Variants in GREM1 observed in about 807,000 individuals in gnomAD.
GREM1 encodes the protein gremlin 1, DAN family BMP antagonist.
A neutral mutation model predicts 13.1 loss-of-function variants in GREM1; 6 were observed. That is an observed-to-expected ratio of 0.46 (90% CI 0.25 to 0.91). GREM1 has a LOEUF of 0.91. GREM1 is among the 40% of genes least tolerant of loss of function. GREM1 has a pLI of 0.18. For synonymous variants in GREM1, 98 were observed against 93.7 expected (o/e 1.05, Z -0.27); for missense variants, 185 against 233.9 (o/e 0.79, Z 1.36).
At chr15:32,720,078 C>CGTGT (rs370172363) in intron 1 of GREM1, among the ~76,000 whole-genome samples, 13 of 150,866 alleles carry the variant, frequency 8.6e-5, no homozygotes, top group Non-Finnish European at 1.3e-4. Context: ...AGTATGTGTG[C>CGTGT]GTGTGTGTGT....
intron 1 of GREM1, chr15:32,718,479 C>T (rs1232791448): frequency 4.3e-6 from 2 of 465,584 alleles, no homozygotes; most frequent in Admixed American, 2.3e-5. Flanking sequence ...GCAGCAGCGC[C>T]TGGCAGACGC....
Position 32,735,385 on chromosome 15 carries a change from A to T in GREM1, c.*4140A>T, listed in dbSNP as rs1297817662. The T allele has an allele frequency of 6.6e-6, 1 of 152,222 alleles. No homozygotes were observed. Among genetic ancestry groups the T allele is most frequent in the Non-Finnish European group, 1.5e-5 (1 of 68,042 alleles). The allele number at this position is 152,222 out of a possible 1,614,324, so 9.4% of individuals were successfully genotyped here. A position where few individuals can be genotyped will look rare whatever the true frequency, so the allele number is the denominator to read the frequency against. On this transcript the variant is annotated 3_prime_UTR_variant, in exon 2 of 2. Coordinates refer to ENST00000651154, the MANE Select transcript of GREM1 (RefSeq NM_013372.7). ...GTAGCTCAGTGAGGTAGGTACCATTATCACTGCTAGAAAGCAGTGAACTTA... is the reference window on the plus strand; with the variant it reads ...GTAGCTCAGTGAGGTAGGTACCATTTTCACTGCTAGAAAGCAGTGAACTTA...
At position 32,741,283 on chromosome 15, in the gene GREM1, A is replaced by G. The variant is rs1401562983; in HGVS notation, c.*10038A>G. ...CAGAACAGAGAAAGTGATTTCAGCT[A>G]TAAATATAGGAGATAATAAAATCCT... On this transcript the variant is annotated 3_prime_UTR_variant, in exon 2 of 2. Coordinates refer to ENST00000651154, the MANE Select transcript of GREM1 (RefSeq NM_013372.7). 6.6e-6 allele frequency: 1 copy of G among 152,208 alleles called. No homozygotes were observed. Among genetic ancestry groups the G allele is most frequent in the Non-Finnish European group, 1.5e-5 (1 of 68,028 alleles). 9.4% of individuals were successfully genotyped at this position (152,208 alleles called of 1,614,324 possible). A position where few individuals can be genotyped will look rare whatever the true frequency, so the allele number is the denominator to read the frequency against.
chr15:32,730,659 G>A, intron 1 of GREM1, 31 bp from the exon 2 acceptor site: 1 of 1,461,582 alleles, frequency 6.8e-7, no homozygotes, highest in Non-Finnish European at 9.2e-7. Context: ...CATGTTTTGT[G>A]TCTTCCCCTC....
In GREM1 at chr15:32,732,708, T is replaced by A. The variant is rs908148940; in HGVS notation, c.*1463T>A. 4.6e-5 allele frequency: 11 copies of A among 237,486 alleles called. No homozygotes were observed. The highest frequency in any genetic ancestry group is 7.2e-5 in the Non-Finnish European group (8 of 111,540). 14.7% of individuals were successfully genotyped at this position (237,486 alleles called of 1,614,324 possible). A position where few individuals can be genotyped will look rare whatever the true frequency, so the allele number is the denominator to read the frequency against. On this transcript the variant is annotated 3_prime_UTR_variant, in exon 2 of 2. Transcript: ENST00000651154. ...ATAACTATTGTAACTATTCAGTATT[T>A]ACTGGTAGGCACTGTCCTCTGATTA... is the stretch of plus-strand genomic sequence containing the variant.
chr15:32,737,295 C>T lies in GREM1; in HGVS notation c.*6050C>T, dbSNP rs970580360. On this transcript the variant is annotated 3_prime_UTR_variant, in exon 2 of 2. Coordinates refer to ENST00000651154, the MANE Select transcript of GREM1 (RefSeq NM_013372.7). ...TTCTATAACTAGTATTACCTTGATA[C>T]CAAATTCTGACAAATACATCAAAAA... The T allele has an allele frequency of 2.6e-5, 4 of 152,086 alleles. No homozygotes were observed. Among genetic ancestry groups the T allele is most frequent in the African/African-American group, 7.2e-5 (3 of 41,408 alleles). 9.4% of individuals were successfully genotyped at this position (152,086 alleles called of 1,614,324 possible).
At chr15:32,727,579 C>T (rs2055534848) in intron 1 of GREM1, among the ~76,000 whole-genome samples, 1 of 152,004 alleles carries the variant, frequency 6.6e-6, no homozygotes, top group South Asian at 2.1e-4. Flanking sequence ...CCTTTGAAAA[C>T]CGCCACAAGG....
rs2055748646 is a variant in GREM1, at chr15:32,740,138, C to T, written c.*8893C>T. ...GACTTATTGGTGGGGGTCTTCTCCT[C>T]TGAGGCCCAGCTGTGAGGACTGGGA... is the stretch of plus-strand genomic sequence containing the variant. On this transcript the variant is annotated 3_prime_UTR_variant, in exon 2 of 2. Transcript: ENST00000651154. 6.6e-6 allele frequency: 1 copy of T among 152,246 alleles called. No individual in the cohort carries two copies. The highest frequency in any genetic ancestry group is 1.5e-5 in the Non-Finnish European group (1 of 68,076). The allele number at this position is 152,246 out of a possible 1,614,324, so 9.4% of individuals were successfully genotyped here. A position where few individuals can be genotyped will look rare whatever the true frequency, so the allele number is the denominator to read the frequency against.
intron 1 of GREM1, among the ~76,000 whole-genome samples, chr15:32,728,857 A>T (rs2055560042): frequency 6.6e-6 from 1 of 152,186 alleles, no homozygotes; most frequent in African/African-American, 2.4e-5. Flanking sequence ...ATCCATTGAA[A>T]AGAAAATCCC....
In GREM1 at chr15:32,737,574, C is replaced by T. The variant is rs1419011951; in HGVS notation, c.*6329C>T. On this transcript the variant is annotated 3_prime_UTR_variant, in exon 2 of 2. Coordinates refer to ENST00000651154, the MANE Select transcript of GREM1 (RefSeq NM_013372.7). ...ATTCAACACCCCTTTGTAATAAAAT[C>T]ACTCAACACACTAGGAAGAGAAGGG... 6.6e-6 allele frequency: 1 copy of T among 152,056 alleles called. No homozygotes were observed. The highest frequency in any genetic ancestry group is 1.9e-4 in the East Asian group (1 of 5,190). 9.4% of individuals were successfully genotyped at this position (152,056 alleles called of 1,614,324 possible).
At position 32,734,915 on chromosome 15, in the gene GREM1, G is replaced by T. The variant is rs1314566789; in HGVS notation, c.*3670G>T. The T allele has an allele frequency of 6.1e-6, 1 of 165,038 alleles. No homozygotes were observed. Among genetic ancestry groups the T allele is most frequent in the Non-Finnish European group, 1.3e-5 (1 of 75,480 alleles). 10.2% of individuals were successfully genotyped at this position (165,038 alleles called of 1,614,324 possible). On this transcript the variant is annotated 3_prime_UTR_variant, in exon 2 of 2. Transcript: ENST00000651154. ...TTCCCTAGAGCACAACTAGAAAGAA[G>T]AACTATAGAGTGTTATAAGGGAGGC...
intron 1 of GREM1, among the ~76,000 whole-genome samples, chr15:32,725,850 C>A (rs547160853): frequency 6.6e-6 from 1 of 151,444 alleles, no homozygotes; most frequent in Non-Finnish European, 1.5e-5. Context: ...CAGTTTTCTG[C>A]GTATGGCTAG....
In GREM1 at chr15:32,728,622, T is replaced by A. The variant is rs200625221; in HGVS notation, c.-1-2068T>A. ...CCTTTGCGCAAGGTAGTTGCTCTAA[T>A]AATACCAACCTGTCCAGTTTTGGTG... On this transcript the variant is annotated intron_variant, in intron 1 of 1. Transcript: ENST00000651154. Among the ~76,000 whole-genome samples, 192 of 152,360 alleles carry A rather than the reference T, an allele frequency of 1.3e-3. 1 individual carries two copies. The highest frequency in any genetic ancestry group is 2.1e-3 in the Non-Finnish European group (145 of 68,032).
In GREM1 at chr15:32,729,381, AGTCT is replaced by A. The variant is rs10565456; in HGVS notation, c.-1-1303_-1-1300del. Among the ~76,000 whole-genome samples, 141,127 of 151,948 alleles carry A rather than the reference AGTCT, an allele frequency of 0.93. 65,982 individuals carry two copies. Among genetic ancestry groups the A allele is most frequent in the East Asian group, 1 (5,163 of 5,164 alleles). On this transcript the variant is annotated intron_variant, in intron 1 of 1. Coordinates refer to ENST00000651154, the MANE Select transcript of GREM1 (RefSeq NM_013372.7). ...ACTGTCCCAGGAGGAAAATCTTTTTAGTCTGTCTGAGGCTTCTCTCTTGCACTCT... is the reference window on the plus strand; with the variant it reads ...ACTGTCCCAGGAGGAAAATCTTTTTAGTCTGAGGCTTCTCTCTTGCACTCT...
intron 1 of GREM1, among the ~76,000 whole-genome samples, chr15:32,729,527 T>C (rs1210803765): frequency 2.0e-5 from 3 of 152,222 alleles, no homozygotes; most frequent in Admixed American, 1.3e-4. Flanking sequence ...TTTCTCTGAA[T>C]TGCATTCTTC....
rs184505659 is a variant in GREM1 at position 32,719,266 on chromosome 15, C to T, written c.-2+1105C>T. On this transcript the variant is annotated intron_variant, in intron 1 of 1. Transcript: ENST00000651154. ...GGAAGAACAGACGCGCCACCGCTCT[C>T]GCTTGGCATTGCCTTCGGATCGCAG... Among the ~76,000 whole-genome samples, 90 of 152,362 alleles carry T rather than the reference C, an allele frequency of 5.9e-4. 1 individual carries two copies. Among genetic ancestry groups the T allele is most frequent in the Admixed American group, 5.9e-3 (90 of 15,306 alleles).
chr15:32,729,922 C>T (rs780312262), intron 1 of GREM1, among the ~76,000 whole-genome samples: 12 of 152,192 alleles, frequency 7.9e-5, no homozygotes, highest in Non-Finnish European at 1.6e-4. Flanking sequence ...TCATGAGTCA[C>T]GTCACCTACA....
rs1295527675 is a variant in GREM1 at position 32,731,101 on chromosome 15, C to T, written c.411C>T (p.Ser137=). ...IPRHIRKEEG[S]FQSCSFCKPK... is the part of the protein sequence containing the mutation. ...GGCACATCCGGAAGGAGGAAGGTTC[C>T]TTTCAGTCCTGCTCCTTCTGCAAGC... Residue 137 remains serine (S), a synonymous_variant, in exon 2 of 2, where the codon TCC becomes TCT. Coordinates refer to ENST00000651154, the MANE Select transcript of GREM1 (RefSeq NM_013372.7). 1 of 1,614,186 alleles carries T rather than the reference C, an allele frequency of 6.2e-7. No homozygotes were observed. The highest frequency in any genetic ancestry group is 8.5e-7 in the Non-Finnish European group (1 of 1,180,022).
At chr15:32,725,440 A>G (rs1253122340) in intron 1 of GREM1, among the ~76,000 whole-genome samples, 1 of 152,118 alleles carries the variant, frequency 6.6e-6, no homozygotes, top group African/African-American at 2.4e-5. Context: ...TCTTCTTTTG[A>G]GAAATGTCTG....
Sources: allele counts gnomAD v4.1 joint callset (sites outside exome capture counted in the v4.1 genomes callset), GRCh38; gene constraint gnomAD v4.1.1; transcripts MANE v1.5; gene names NCBI Gene and HGNC (gene_info 2026-07-23, HGNC 2026-07-21).